Variants in SGK1 observed in about 807,000 individuals in gnomAD.
The protein encoded by SGK1 is serine/threonine-protein kinase Sgk1.
In SGK1, 26 loss-of-function variants were observed where a neutral mutation model predicts 64.2. That is an observed-to-expected ratio of 0.40 (90% CI 0.30 to 0.56). The LOEUF (loss-of-function observed/expected upper bound fraction) is 0.56, where lower values mean the gene tolerates loss of function less well. Ranked by LOEUF, SGK1 falls within the 20% of genes least tolerant of loss-of-function variation. The probability of loss-of-function intolerance (pLI) is 0.38; values close to 1 mark genes in which losing one functional copy is unlikely to be tolerated. For synonymous variants in SGK1, 265 were observed against 239.7 expected (o/e 1.11, Z -0.98); for missense variants, 519 against 645.6 (o/e 0.80, Z 2.12).
In SGK1 at chr6:134,297,521, G is replaced by C. The variant is rs1407455312; in HGVS notation, c.69+19871C>G. ...TCTTGGAGATCTCTGTCTTGTTTTTGAGACAGAGTCTCACTCTGTCGCCCA... is the reference window on the plus strand; with the variant it reads ...TCTTGGAGATCTCTGTCTTGTTTTTCAGACAGAGTCTCACTCTGTCGCCCA... On this transcript the variant is annotated intron_variant, in intron 1 of 13. Coordinates refer to ENST00000367858, the MANE Select transcript of SGK1 (RefSeq NM_001143676.3). The C allele has an allele frequency of 1.6e-5, 9 of 557,650 alleles. No homozygotes were observed. In the East Asian group the frequency reaches 4.3e-4, roughly 26 times the overall value. The allele number at this position is 557,650 out of a possible 1,614,324, so 34.5% of individuals were successfully genotyped here.
intron 2 of SGK1, among the ~76,000 whole-genome samples, chr6:134,241,901 T>C (rs1381560618): frequency 6.6e-6 from 1 of 151,964 alleles, no homozygotes. Flanking sequence ...ATTACAGGCA[T>C]GAGCCACCGT....
At chr6:134,175,037 G>A in intron 3 of SGK1, 2 of 740,368 alleles carry the variant, frequency 2.7e-6, no homozygotes, top group Admixed American at 8.1e-5. Flanking sequence ...CCATTGAGAG[G>A]GCGAGCCCCG....
intron 2 of SGK1, among the ~76,000 whole-genome samples, chr6:134,252,980 A>G (rs1334221397): frequency 6.6e-6 from 1 of 152,210 alleles, no homozygotes; most frequent in East Asian, 1.9e-4. Context: ...TATTTTTTAT[A>G]GCATCTTTTT....
chr6:134,177,883 C>T, intron 3 of SGK1: 1 of 1,535,282 alleles, frequency 6.5e-7, no homozygotes, highest in African/African-American at 1.4e-5. Context: ...TATATCAAGG[C>T]AATTTAAGTA....
At chr6:134,259,598 C>G (rs1289035323) in intron 2 of SGK1, among the ~76,000 whole-genome samples, 1 of 152,020 alleles carries the variant, frequency 6.6e-6, no homozygotes, top group East Asian at 1.9e-4. Flanking sequence ...GAGCTGAGAT[C>G]TCGTCACTGC....
chr6:134,203,658 G>A (rs1031369166), intron 3 of SGK1, among the ~76,000 whole-genome samples: 4 of 152,184 alleles, frequency 2.6e-5, no homozygotes, highest in African/African-American at 9.7e-5. Context: ...GATTGGACTG[G>A]CTGTATCTAT....
intron 3 of SGK1, among the ~76,000 whole-genome samples, chr6:134,192,179 G>A (rs1240863171): frequency 6.6e-6 from 1 of 151,640 alleles, no homozygotes; most frequent in African/African-American, 2.4e-5. Flanking sequence ...TGGCCGGGCT[G>A]GTCTCCAACT....
At chr6:134,268,451 C>T (rs868657572) in intron 1 of SGK1, among the ~76,000 whole-genome samples, 6 of 152,018 alleles carry the variant, frequency 3.9e-5, no homozygotes, top group African/African-American at 1.4e-4. Flanking sequence ...CCAGGCCGGG[C>T]GCTGTGGCTC....
At position 134,272,828 on chromosome 6, in the gene SGK1, C is replaced by G. The variant is rs546594287; in HGVS notation, c.70-10680G>C. ...CTCATTTCATAAAATGAAGCTTGCA[C>G]AAAGATGCCAATAAACCTCATTGTC... On this transcript the variant is annotated intron_variant, in intron 1 of 13. Coordinates refer to ENST00000367858, the MANE Select transcript of SGK1 (RefSeq NM_001143676.3). Among the ~76,000 whole-genome samples the G allele has an allele frequency of 2.0e-5, 3 of 148,382 alleles. 1 individual carries two copies. The highest frequency in any genetic ancestry group is 7.3e-5 in the African/African-American group (3 of 41,288).
intron 1 of SGK1, among the ~76,000 whole-genome samples, chr6:134,274,480 T>A (rs1357339135): frequency 1.3e-5 from 2 of 152,184 alleles, no homozygotes; most frequent in African/African-American, 4.8e-5. Context: ...CTCAAGACTA[T>A]ATCCTCTTCT....
In SGK1 at chr6:134,272,592, C is replaced by T. The variant is rs754991666; in HGVS notation, c.70-10444G>A. On this transcript the variant is annotated intron_variant, in intron 1 of 13. Coordinates refer to ENST00000367858, the MANE Select transcript of SGK1 (RefSeq NM_001143676.3). ...GCAAGCAAAACATCCTCTTTACACC[C>T]ACAAACTCTTCCTTTTTCCCGCAGC... Among the ~76,000 whole-genome samples, 11 of 147,278 alleles carry T rather than the reference C, an allele frequency of 7.5e-5. 2 individuals are homozygous for T. The highest frequency in any genetic ancestry group is 1.7e-4 in the Non-Finnish European group (11 of 66,620).
At chr6:134,177,235 C>T (rs990979848) in intron 3 of SGK1, among the ~76,000 whole-genome samples, 6 of 108,626 alleles carry the variant, frequency 5.5e-5, no homozygotes, top group Non-Finnish European at 1.0e-4. Flanking sequence ...CAAACAAAAA[C>T]AAAACAAAAA....
At chr6:134,229,590 T>A (rs1018125897) in intron 2 of SGK1, among the ~76,000 whole-genome samples, 1 of 152,202 alleles carries the variant, frequency 6.6e-6, no homozygotes, top group Non-Finnish European at 1.5e-5. Context: ...AATCAATTTT[T>A]GAGGGGAAAG....
At chr6:134,257,696 G>A (rs969645559) in intron 2 of SGK1, among the ~76,000 whole-genome samples, 15 of 152,144 alleles carry the variant, frequency 9.9e-5, no homozygotes, top group Non-Finnish European at 2.9e-5. Flanking sequence ...AGGTTTTGTG[G>A]CTTGCCTGAA....
At chr6:134,303,189 C>T (rs578054385) in intron 1 of SGK1, among the ~76,000 whole-genome samples, 1 of 151,964 alleles carries the variant, frequency 6.6e-6, no homozygotes, top group African/African-American at 2.4e-5. Flanking sequence ...GTCAGGAGAT[C>T]GAGTCCATCC....
At position 134,317,685 on chromosome 6, in the gene SGK1, A is replaced by G. The variant is rs1399906803; in HGVS notation, c.-225T>C. 4 of 557,654 alleles carry G rather than the reference A, an allele frequency of 7.2e-6. No individual in the cohort carries two copies. In the East Asian group the frequency reaches 1.2e-4, roughly 17 times the overall value. The allele number at this position is 557,654 out of a possible 1,614,324, so 34.5% of individuals were successfully genotyped here. ...CGACAGCGGCTTTTCTCCTTCCATC[A>G]TTGCTCCGAAACATATGCATCACCG... On this transcript the variant is annotated 5_prime_UTR_variant, in exon 1 of 14. The change abolishes an upstream ATG in the 5' untranslated region. Transcript: ENST00000367858.
At chr6:134,264,166 C>G (rs1776812732) in intron 1 of SGK1, among the ~76,000 whole-genome samples, 1 of 150,244 alleles carries the variant, frequency 6.7e-6, no homozygotes, top group Non-Finnish European at 1.5e-5. Flanking sequence ...TTGCCCCTGG[C>G]TGGAGTACAG....
At chr6:134,253,932 T>C (rs1326476454) in intron 2 of SGK1, among the ~76,000 whole-genome samples, 1 of 152,062 alleles carries the variant, frequency 6.6e-6, no homozygotes. Flanking sequence ...CTGCCTTCAA[T>C]TGAAAGACGG....
intron 2 of SGK1, among the ~76,000 whole-genome samples, chr6:134,218,029 T>C (rs1776014304): frequency 6.6e-6 from 1 of 152,224 alleles, no homozygotes; most frequent in Non-Finnish European, 1.5e-5. Flanking sequence ...GGTCAAGATA[T>C]TCAGGTCAAA....
Sources: gnomAD v4.1 joint callset for allele counts (sites outside exome capture counted in the v4.1 genomes callset) on GRCh38, gnomAD v4.1.1 for gene constraint, MANE v1.5 for transcripts, NCBI Gene and HGNC (gene_info 2026-07-23, HGNC 2026-07-21) for gene names.